INTS1: variants seen among roughly 807,000 people sequenced by gnomAD.
INTS1 encodes integrator complex subunit 1.
A neutral mutation model predicts 241.6 loss-of-function variants in INTS1; 137 were observed. The ratio of observed to expected loss-of-function variants is 0.57; its 90% confidence interval spans 0.49 to 0.65. The LOEUF is 0.65. Ranked by LOEUF, INTS1 falls within the 30% of genes least tolerant of loss-of-function variation. The pLI is 0.00. For missense variants in INTS1, 3,073 were observed against 3,032.2 expected, an observed-to-expected ratio of 1.01 and a Z score of -0.32; for synonymous variants, 1,692 against 1,337.8, an observed-to-expected ratio of 1.26 and a Z score of -5.78.
At position 1,498,430 on chromosome 7, in the gene INTS1, G is replaced by A. The variant is rs184457271; in HGVS notation, c.1407C>T (p.Ser469=). Reference sequence around the variant, plus strand: ...GGCCTACCTTGGGCGCCAGCTCTGAGCTGTGCTGCAGTGCGGTATAGAGGA... The same window carrying A: ...GGCCTACCTTGGGCGCCAGCTCTGAACTGTGCTGCAGTGCGGTATAGAGGA... ...MQVLYTALQH[S]SELAPKFLAM... The change falls in exon 10 of 48, where the codon AGC becomes AGT. Residue 469 remains serine (S), a synonymous_variant. Coordinates refer to ENST00000404767, the MANE Select transcript of INTS1 (RefSeq NM_001080453.3). 1,728 of 1,613,816 alleles carry A rather than the reference G, an allele frequency of 1.1e-3. 7 individuals are homozygous for A. The African/African-American group carries it at 0.012, about 11-fold the overall frequency.
chr7:1,487,212 G>A, intron 20 of INTS1, 108 bp downstream of exon 20: 1 of 1,502,224 alleles, frequency 6.7e-7, no homozygotes, highest in Non-Finnish European at 9.0e-7. Context: ...GCCAGCTCAT[G>A]GGCCCCGCAT....
In INTS1 at chr7:1,487,320, C is replaced by T; in HGVS notation, c.2646G>A (p.Gln882=). The change falls in exon 20 of 48, where the codon CAG becomes CAA. Residue 882 remains glutamine (Q), a splice_region_variant and synonymous_variant. Coordinates refer to ENST00000404767, the MANE Select transcript of INTS1 (RefSeq NM_001080453.3). ...PDFLLHIIQR[Q]ASSQSMPWLA... ...TACCTCCTGGAGCCTCGGCACTCACCTGCCGCTGGATGATGTGGAGGAGAA... is the reference window on the plus strand; with the variant it reads ...TACCTCCTGGAGCCTCGGCACTCACTTGCCGCTGGATGATGTGGAGGAGAA... 6.3e-7 allele frequency: 1 copy of T among 1,592,738 alleles called. No homozygotes were observed.
intron 18 of INTS1, 43 bp downstream of exon 18, chr7:1,489,301 C>T (rs1475355906): frequency 1.1e-5 from 17 of 1,582,952 alleles, no homozygotes; most frequent in Non-Finnish European, 1.5e-5. Flanking sequence ...AGACCAGGCC[C>T]TGCTCCCCAT....
chr7:1,486,438 TA>T (rs1782269900), intron 22 of INTS1, among the ~76,000 whole-genome samples, 186 bp downstream of exon 22: 1 of 151,282 alleles, frequency 6.6e-6, no homozygotes, highest in East Asian at 2.0e-4. Context: ...TAATTTTTTC[TA>T]TTTTTAATAG....
At chr7:1,477,477 G>A in intron 35 of INTS1, 73 bp downstream of exon 35, 1 of 1,441,362 alleles carries the variant, frequency 6.9e-7, no homozygotes, top group African/African-American at 1.4e-5. Flanking sequence ...CCAGGCCAAG[G>A]CTGCTGCACT....
At chr7:1,485,707 C>T (rs1782226978) in intron 22 of INTS1, among the ~76,000 whole-genome samples, 1 of 152,240 alleles carries the variant, frequency 6.6e-6, no homozygotes, top group African/African-American at 2.4e-5. Flanking sequence ...AAAGGAACAC[C>T]AGGCAGGCGG....
At chr7:1,496,930 T>C (rs6950990) in intron 11 of INTS1, among the ~76,000 whole-genome samples, 69,412 of 152,008 alleles carry the variant, frequency 0.46, 16,179 homozygotes, top group East Asian at 0.7. Context: ...TCCCCTGTGC[T>C]TGGTCAGCCC....
chr7:1,491,762 G>A (rs776317614), intron 16 of INTS1, among the ~76,000 whole-genome samples: 1 of 152,178 alleles, frequency 6.6e-6, no homozygotes, highest in Non-Finnish European at 1.5e-5. Context: ...GCTGGGCATG[G>A]TGGCACGTGC....
intron 33 of INTS1, 135 bp downstream of exon 33, chr7:1,478,231 G>A (rs1360752766): frequency 7.9e-6 from 8 of 1,011,772 alleles, no homozygotes; most frequent in East Asian, 7.8e-5. Flanking sequence ...CATCTGGGAG[G>A]GGACCTCTGT....
intron 31 of INTS1, among the ~76,000 whole-genome samples, 157 bp from the exon 32 acceptor site, chr7:1,479,042 C>A (rs1296710333): frequency 6.6e-6 from 1 of 152,230 alleles, no homozygotes. Context: ...TGAAACGGTG[C>A]CTCCCCTGCA....
chr7:1,500,263 G>A lies in INTS1; in HGVS notation c.453C>T (p.Val151=). 3 of 1,603,560 alleles carry A rather than the reference G, an allele frequency of 1.9e-6. No individual in the cohort carries two copies. Among genetic ancestry groups the A allele is most frequent in the Non-Finnish European group, 2.6e-6 (3 of 1,174,992 alleles). The part of the protein sequence containing the change: ...VLCGAVKQLK[V]TRAKPDSTLY... ...GGGTGCTGTCAGGCTTGGCGCGGGT[G>A]ACCTTCAGCTGCTTCACGGCCCCGC... The change falls in exon 4 of 48, where the codon GTC becomes GTT. Residue 151 remains valine (V), a synonymous_variant. Transcript: ENST00000404767.
chr7:1,503,681 G>A (rs931628612), intron 2 of INTS1, among the ~76,000 whole-genome samples: 1 of 152,176 alleles, frequency 6.6e-6, no homozygotes, highest in African/African-American at 2.4e-5. Context: ...AGCCTGAAAC[G>A]AGATCACCGG....
At chr7:1,482,918 C>G (rs1374402298) in intron 26 of INTS1, 3 of 582,694 alleles carry the variant, frequency 5.1e-6, no homozygotes, top group African/African-American at 3.8e-5. Context: ...TGCAGGAAGG[C>G]AAGCAGCATC....
At chr7:1,487,198 A>G (rs1029082290) in intron 20 of INTS1, 97 bp from the exon 21 acceptor site, 38 of 1,505,558 alleles carry the variant, frequency 2.5e-5, no homozygotes, top group Non-Finnish European at 2.6e-5. Flanking sequence ...GGCGACACGC[A>G]GCAGCCAGCT....
intron 41 of INTS1, 58 bp from the exon 42 acceptor site, chr7:1,473,751 C>T (rs1257435361): frequency 4.4e-6 from 7 of 1,603,300 alleles, no homozygotes; most frequent in Admixed American, 1.7e-5. Flanking sequence ...AAAACAGAGC[C>T]TGTGCTCCCA....
At chr7:1,474,408 T>G (rs745905379) in intron 40 of INTS1, 48 bp from the exon 41 acceptor site, 1 of 1,519,492 alleles carries the variant, frequency 6.6e-7, no homozygotes, top group East Asian at 2.3e-5. Flanking sequence ...CGGGCTCACC[T>G]GGCGCACGTC....
In INTS1 at chr7:1,500,306, C is replaced by A; in HGVS notation, c.410G>T (p.Arg137Met). Reference sequence around the variant, plus strand: ...GGCCCCGCACAGCACGCCCTCGATCCTGTCATCGTTGCCCTCCAGCTCGGC... The same window carrying A: ...GGCCCCGCACAGCACGCCCTCGATCATGTCATCGTTGCCCTCCAGCTCGGC... The part of the protein sequence containing the change: ...EAAELEGNDD[R>M]IEGVLCGAVK... Residue 137 changes from arginine (R) to methionine (M), a missense_variant, in exon 4 of 48, where the codon AGG (arginine) becomes ATG (methionine). Coordinates refer to ENST00000404767, the MANE Select transcript of INTS1 (RefSeq NM_001080453.3). 6.3e-7 allele frequency: 1 copy of A among 1,594,106 alleles called. No individual in the cohort carries two copies. The highest frequency in any genetic ancestry group is 2.3e-5 in the East Asian group (1 of 43,996).
Position 1,503,975 on chromosome 7 carries a change from C to T in INTS1, c.-15G>A, listed in dbSNP as rs547985201. On this transcript the variant is annotated 5_prime_UTR_variant, in exon 2 of 48. Transcript: ENST00000404767. Reference sequence around the variant, plus strand: ...GCCCGGTTCATCCTGCCCCGTCCCTCGCGGCTCCCGGCGGCTGCGGCGTCA... The same window carrying T: ...GCCCGGTTCATCCTGCCCCGTCCCTTGCGGCTCCCGGCGGCTGCGGCGTCA... The T allele has an allele frequency of 4.5e-6, 7 of 1,544,428 alleles. No individual in the cohort carries two copies. The highest frequency in any genetic ancestry group is 1.4e-5 in the African/African-American group (1 of 72,176).
chr7:1,492,624 C>CGTT (rs1554278514), intron 16 of INTS1, among the ~76,000 whole-genome samples: 2 of 151,880 alleles, frequency 1.3e-5, no homozygotes, highest in African/African-American at 4.8e-5. Flanking sequence ...AGCATAAACT[C>CGTT]GTTGTGTAAA....
Sources: allele counts gnomAD v4.1 joint callset (sites outside exome capture counted in the v4.1 genomes callset), GRCh38; gene constraint gnomAD v4.1.1; transcripts MANE v1.5; gene names NCBI Gene and HGNC (gene_info 2026-07-23, HGNC 2026-07-21).